SLIT1: variants seen among roughly 807,000 people sequenced by gnomAD.
SLIT1 encodes the protein slit guidance ligand 1.
A neutral mutation model predicts 186.1 loss-of-function variants in SLIT1; 66 were observed. The ratio of observed to expected loss-of-function variants is 0.35; its 90% CI spans 0.29 to 0.44. The LOEUF (loss-of-function observed/expected upper bound fraction) is 0.44. Among genes scored for constraint, SLIT1 ranks in the 20% least tolerant of loss-of-function variants. SLIT1 has a pLI of 1.00. For synonymous variants in SLIT1, 761 were observed against 833.8 expected, an observed-to-expected ratio of 0.91 and a Z score of 1.50; for missense variants, 1,638 against 2,037.4, an observed-to-expected ratio of 0.80 and a Z score of 3.77.
intron 4 of SLIT1, among the ~76,000 whole-genome samples, chr10:97,072,628 A>G (rs75713637): frequency 6.6e-6 from 1 of 152,214 alleles, no homozygotes; most frequent in Non-Finnish European, 1.5e-5. Flanking sequence ...CCACAGCCGG[A>G]ACCAGCCCTC....
intron 1 of SLIT1, among the ~76,000 whole-genome samples, chr10:97,179,034 C>T (rs928805079): frequency 3.3e-5 from 5 of 152,116 alleles, no homozygotes; most frequent in Non-Finnish European, 7.3e-5. Context: ...AACTCCCTTA[C>T]CCTCGCTTCG....
At chr10:97,034,944 A>G (rs1848624988) in intron 22 of SLIT1, among the ~76,000 whole-genome samples, 2 of 152,084 alleles carry the variant, frequency 1.3e-5, no homozygotes, top group South Asian at 2.1e-4. Context: ...AGGCAGTCCT[A>G]TGAGGGAGAG....
intron 1 of SLIT1, among the ~76,000 whole-genome samples, chr10:97,166,214 T>C (rs1420498948): frequency 1.3e-5 from 2 of 151,886 alleles, no homozygotes; most frequent in African/African-American, 4.8e-5. Context: ...CCTCCAGGTG[T>C]TTAGAAAGTG....
chr10:97,040,248 T>G (rs767562966), intron 20 of SLIT1, 128 bp from the exon 21 acceptor site: 4 of 1,000,822 alleles, frequency 4.0e-6, no homozygotes, highest in Non-Finnish European at 5.6e-6. Flanking sequence ...TGGCCATCAG[T>G]AAGTCTGTGC....
At chr10:97,017,479 G>A (rs373170481) in intron 28 of SLIT1, among the ~76,000 whole-genome samples, 61 of 152,340 alleles carry the variant, frequency 4.0e-4, no homozygotes, top group African/African-American at 1.3e-3. Flanking sequence ...CGGTCCTGTG[G>A]GGAGCAGCCA....
At chr10:97,183,367 C>G (rs1338065599) in intron 1 of SLIT1, among the ~76,000 whole-genome samples, 2 of 152,240 alleles carry the variant, frequency 1.3e-5, no homozygotes, top group Non-Finnish European at 2.9e-5. Flanking sequence ...CCCTCCCTAT[C>G]CTATCATAAT....
intron 31 of SLIT1, among the ~76,000 whole-genome samples, chr10:97,008,612 C>T (rs1320303881): frequency 1.3e-5 from 2 of 151,172 alleles, no homozygotes; most frequent in Non-Finnish European, 2.9e-5. Context: ...AGGAGAATTG[C>T]TTGAACCCGG....
chr10:97,025,520 G>A (rs1731930959), intron 25 of SLIT1, among the ~76,000 whole-genome samples: 1 of 152,116 alleles, frequency 6.6e-6, no homozygotes, highest in African/African-American at 2.4e-5. Flanking sequence ...AGTACTTGTA[G>A]TTTGCATTCA....
chr10:97,037,914 A>T, intron 21 of SLIT1, 148 bp from the exon 22 acceptor site: 1 of 585,430 alleles, frequency 1.7e-6, no homozygotes, highest in Non-Finnish European at 3.0e-6. Flanking sequence ...CACTTATGGG[A>T]GGAGAAAATA....
At position 97,064,160 on chromosome 10, in the gene SLIT1, T is replaced by A. The variant is rs1378734717; in HGVS notation, c.629+8A>T. 1 of 1,611,066 alleles carries A rather than the reference T, an allele frequency of 6.2e-7. No individual in the cohort carries two copies. Among genetic ancestry groups the A allele is most frequent in the East Asian group, 2.2e-5 (1 of 44,852 alleles). Reference sequence around the variant, plus strand: ...CTGCCCCGCTCCCAGCTGCCCCGGCTGACTCACAAGGTCCGTAGCTTGGGC... The same window carrying A: ...CTGCCCCGCTCCCAGCTGCCCCGGCAGACTCACAAGGTCCGTAGCTTGGGC... On this transcript the variant is annotated splice_region_variant and intron_variant, in intron 7 of 36. Coordinates refer to ENST00000266058, the MANE Select transcript of SLIT1 (RefSeq NM_003061.3).
chr10:97,159,662 T>C (rs907884520), intron 3 of SLIT1, among the ~76,000 whole-genome samples: 1 of 152,204 alleles, frequency 6.6e-6, no homozygotes, highest in Non-Finnish European at 1.5e-5. Context: ...CTGAGAATGA[T>C]AACAGTAGTC....
At chr10:97,086,137 A>G (rs115849786) in intron 4 of SLIT1, among the ~76,000 whole-genome samples, 77 of 152,376 alleles carry the variant, frequency 5.1e-4, no homozygotes, top group African/African-American at 1.7e-3. Context: ...TTATGTTCAC[A>G]AAAAATCTGT....
intron 4 of SLIT1, among the ~76,000 whole-genome samples, chr10:97,116,987 A>G (rs772213551): frequency 9.9e-5 from 15 of 152,142 alleles, no homozygotes; most frequent in Non-Finnish European, 1.6e-4. Flanking sequence ...AGGAAAGCAT[A>G]TGGCTTGGAA....
intron 13 of SLIT1, among the ~76,000 whole-genome samples, chr10:97,051,549 C>T (rs1848786987): frequency 6.6e-6 from 1 of 152,160 alleles, no homozygotes; most frequent in African/African-American, 2.4e-5. Context: ...CGGTGGCTCA[C>T]GCCTGTAATC....
At chr10:97,046,521 G>T in intron 18 of SLIT1, 133 bp downstream of exon 18, 2 of 852,742 alleles carry the variant, frequency 2.3e-6, no homozygotes, top group Non-Finnish European at 3.5e-6. Flanking sequence ...ACACAGTCAG[G>T]ATCCTCAGTT....
At chr10:97,137,491 T>A (rs1564685084) in intron 4 of SLIT1, among the ~76,000 whole-genome samples, 1 of 152,258 alleles carries the variant, frequency 6.6e-6, no homozygotes, top group Non-Finnish European at 1.5e-5. Context: ...TTAGAGGGAC[T>A]CTGACTTAAC....
chr10:97,100,759 A>G (rs1849343447), intron 4 of SLIT1, among the ~76,000 whole-genome samples: 1 of 152,236 alleles, frequency 6.6e-6, no homozygotes, highest in Admixed American at 6.5e-5. Context: ...AAGGCATGTC[A>G]GTGATACAAT....
At chr10:97,074,367 C>G (rs58423228) in intron 4 of SLIT1, among the ~76,000 whole-genome samples, 2 of 152,338 alleles carry the variant, frequency 1.3e-5, no homozygotes, top group East Asian at 3.9e-4. Context: ...CAGGGCCAGA[C>G]AGGCTGGCTG....
chr10:97,151,859 T>C (rs1202953776), intron 4 of SLIT1, among the ~76,000 whole-genome samples: 1 of 152,160 alleles, frequency 6.6e-6, no homozygotes, highest in African/African-American at 2.4e-5. Flanking sequence ...TTGCAGTCCC[T>C]GAGACCTTTC....
Sources: gnomAD v4.1 joint callset for allele counts (sites outside exome capture counted in the v4.1 genomes callset) on GRCh38, gnomAD v4.1.1 for gene constraint, MANE v1.5 for transcripts, NCBI Gene and HGNC (gene_info 2026-07-23, HGNC 2026-07-21) for gene names.